STIP1: variants seen among roughly 807,000 people sequenced by gnomAD.
STIP1 encodes stress induced phosphoprotein 1, also known as stress-induced-phosphoprotein 1.
In STIP1, 16 loss-of-function variants were observed where a neutral mutation model predicts 77.4. The observed-to-expected ratio is 0.21, with a 90% CI of 0.14 to 0.31. The LOEUF is 0.31. Among genes scored for constraint, STIP1 ranks in the 10% least tolerant of loss-of-function variants. The probability of loss-of-function intolerance (pLI) is 1.00; values close to 1 mark genes in which losing one functional copy is unlikely to be tolerated. For synonymous variants in STIP1, 258 were observed against 246.6 expected (o/e 1.05, Z -0.44); for missense variants, 524 against 684.8 (o/e 0.77, Z 2.62).
rs141369208 is a variant in STIP1, at chr11:64,200,492, T to A, written c.1245+199T>A. 8.9e-3 allele frequency among the ~76,000 whole-genome samples: 1,361 copies of A among 152,154 alleles called. 37 individuals carry two copies. The highest frequency in any genetic ancestry group is 0.06 in the Admixed American group (912 of 15,286). On this transcript the variant is annotated intron_variant, in intron 10 of 13. Transcript: ENST00000305218. Reference sequence around the variant, plus strand: ...ATCCTGCTACATTTTTTATTTTTTTTGTAGAGTTGGGGTCTTGCTGTGTTG... The same window carrying A: ...ATCCTGCTACATTTTTTATTTTTTTAGTAGAGTTGGGGTCTTGCTGTGTTG...
chr11:64,190,204 G>A (rs752293974), intron 1 of STIP1, among the ~76,000 whole-genome samples: 6 of 151,352 alleles, frequency 4.0e-5, no homozygotes, highest in Non-Finnish European at 8.8e-5. Flanking sequence ...ACTGAGTTTC[G>A]CTCTTGTTGC....
At chr11:64,203,348 G>A (rs1463379386) in intron 12 of STIP1, 102 bp from the exon 13 acceptor site, 1 of 1,582,250 alleles carries the variant, frequency 6.3e-7, no homozygotes, top group African/African-American at 1.4e-5. Context: ...TCTCTTACTT[G>A]TTCTCTCTCC....
At chr11:64,192,737 C>G (rs1946106573) in intron 1 of STIP1, among the ~76,000 whole-genome samples, 1 of 152,224 alleles carries the variant, frequency 6.6e-6, no homozygotes, top group South Asian at 2.1e-4. Context: ...CTTTGGAAAT[C>G]TGTGGCAAAT....
Position 64,197,453 on chromosome 11 carries a change from C to T in STIP1, c.800-40C>T, listed in dbSNP as rs374563860. ...TGTTGGGTGTCTCTGAGGGAGGAAGCAAAGACTGACTGTTCCTTCTTAACC... is the reference window on the plus strand; with the variant it reads ...TGTTGGGTGTCTCTGAGGGAGGAAGTAAAGACTGACTGTTCCTTCTTAACC... On this transcript the variant is annotated intron_variant, in intron 6 of 13. Transcript: ENST00000305218. The T allele has an allele frequency of 4.3e-5, 70 of 1,613,914 alleles. 1 individual carries two copies. The East Asian group carries it at 1.2e-3, about 28-fold the overall frequency.
upstream of STIP1, chr11:64,185,762 G>A (rs912464924): frequency 1.3e-6 from 2 of 1,527,512 alleles, no homozygotes; most frequent in African/African-American, 1.4e-5. Context: ...AAACCAATCA[G>A]CGCAAAGAGT....
rs571668377 is a variant in STIP1, at chr11:64,186,598, G to C, written c.9+328G>C. ...TCCCGAGGGGGCGGCTGCGGGCCAT[G>C]TTGGGGAGGGTGCGGGCCGCAGGGG... is the stretch of plus-strand genomic sequence containing the variant. On this transcript the variant is annotated intron_variant, in intron 1 of 13. Coordinates refer to ENST00000305218, the MANE Select transcript of STIP1 (RefSeq NM_006819.3). 325 of 157,334 alleles carry C rather than the reference G, an allele frequency of 2.1e-3. 6 individuals are homozygous for C. In the Middle Eastern group the frequency reaches 0.04, roughly 19 times the overall value. 9.7% of individuals were successfully genotyped at this position (157,334 alleles called of 1,614,324 possible). A position where few individuals can be genotyped will look rare whatever the true frequency, so the allele number is the denominator to read the frequency against.
chr11:64,185,356 G>A (rs1945997340), upstream of STIP1: 1 of 175,272 alleles, frequency 5.7e-6, no homozygotes, highest in Non-Finnish European at 1.2e-5. Context: ...AAGCGGGACA[G>A]CCGGGCCCGC....
chr11:64,186,026 A>G (rs867542578), upstream of STIP1: 29 of 1,545,662 alleles, frequency 1.9e-5, no homozygotes, highest in African/African-American at 3.1e-4. Context: ...GGCAGGGTTG[A>G]GGGAATTACT....
upstream of STIP1, chr11:64,185,894 C>G: frequency 1.3e-6 from 2 of 1,536,170 alleles, no homozygotes; most frequent in East Asian, 4.9e-5. Context: ...GCGCGGCCAG[C>G]GCGGCTACGA....
rs780250248 is a variant in STIP1, at chr11:64,197,505, A to T, written c.812A>T (p.Glu271Val). The change falls in exon 7 of 14, where the codon GAA becomes GTA. Residue 271 changes from glutamate (E) to valine (V), a missense_variant. Glu to Val is a moderately radical substitution (Grantham distance 121, BLOSUM62 -2). Transcript: ENST00000305218. ...TCCTGCCTGGCAGCGGTATACTTTG[A>T]AAAGGGCGACTACAATAAGTGCCGG... ...YITNQAAVYFEKGDYNKCREL... is the reference protein window; with the variant it reads ...YITNQAAVYFVKGDYNKCREL... 1 of 1,614,184 alleles carries T rather than the reference A, an allele frequency of 6.2e-7. No homozygotes were observed. The highest frequency in any genetic ancestry group is 1.1e-5 in the South Asian group (1 of 91,070).
intron 5 of STIP1, 144 bp downstream of exon 5, chr11:64,195,957 G>T: frequency 8.3e-7 from 1 of 1,209,052 alleles, no homozygotes; most frequent in Non-Finnish European, 1.2e-6. Context: ...TCCCAGGTTG[G>T]TCTTGAACTT....
chr11:64,193,126 A>T lies in STIP1; in HGVS notation c.58A>T (p.Ile20Phe). 6.2e-7 allele frequency: 1 copy of T among 1,614,222 alleles called. No homozygotes were observed. Among genetic ancestry groups the T allele is most frequent in the Non-Finnish European group, 8.5e-7 (1 of 1,180,038 alleles). ...KGNKALSVGN[I>F]DDALQCYSEA... ...CAACAAGGCCCTGAGCGTGGGTAAC[A>T]TCGATGATGCCTTACAGTGCTACTC... The change falls in exon 2 of 14, where the codon ATC becomes TTC. Residue 20 changes from isoleucine (I) to phenylalanine (F), a missense_variant. By Grantham distance (21) the Ile-to-Phe change is conservative. Transcript: ENST00000305218.
In STIP1 at chr11:64,193,267, C is replaced by A. The variant is rs748430101; in HGVS notation, c.199C>A (p.Leu67Ile). The change falls in exon 2 of 14, where the codon CTA (leucine) becomes ATA (isoleucine). Residue 67 changes from leucine to isoleucine, a missense_variant. Coordinates refer to ENST00000305218, the MANE Select transcript of STIP1 (RefSeq NM_006819.3). ...AYEDGCKTVD[L>I]KPDWGKGYSR... is the part of the protein sequence containing the mutation. ...TGAGGATGGCTGCAAGACTGTCGAC[C>A]TAAAGCCTGACTGGGGCAAGGTCAG... 7.4e-6 allele frequency: 12 copies of A among 1,614,066 alleles called. No homozygotes were observed. Among genetic ancestry groups the A allele is most frequent in the Non-Finnish European group, 1.0e-5 (12 of 1,180,038 alleles).
intron 1 of STIP1, among the ~76,000 whole-genome samples, chr11:64,186,691 G>A (rs979785567): frequency 6.6e-5 from 10 of 152,362 alleles, no homozygotes; most frequent in Middle Eastern, 6.8e-3. Flanking sequence ...GATCTCAGAC[G>A]GCCGACGGAG....
intron 1 of STIP1, among the ~76,000 whole-genome samples, chr11:64,191,860 G>C (rs1279441873): frequency 1.3e-5 from 2 of 151,976 alleles, no homozygotes; most frequent in African/African-American, 2.4e-5. Context: ...CACTTGGAGG[G>C]TTGCACAGTG....
chr11:64,200,750 CTT>C (rs1481949844), intron 10 of STIP1, among the ~76,000 whole-genome samples: 4 of 151,904 alleles, frequency 2.6e-5, no homozygotes, highest in Admixed American at 2.0e-4. Flanking sequence ...TTGTTTTTGC[CTT>C]TTTAACCATT....
Position 64,200,013 on chromosome 11 carries a change from A to G in STIP1, c.1097A>G (p.Lys366Arg), listed in dbSNP as rs777388799. 1.9e-6 allele frequency: 3 copies of G among 1,614,072 alleles called. No homozygotes were observed. The African/African-American group carries it at 4.0e-5, about 22-fold the overall frequency. Reference sequence around the variant, plus strand: ...GACCTGGCTTTGGAGGAGAAGAACAAAGGCAACGAGTGTTTTCAGAAAGGT... The same window carrying G: ...GACCTGGCTTTGGAGGAGAAGAACAGAGGCAACGAGTGTTTTCAGAAAGGT... Reference protein sequence around the residue: ...NPDLALEEKNKGNECFQKGDY... With the variant: ...NPDLALEEKNRGNECFQKGDY... Residue 366 changes from lysine to arginine, a missense_variant, in exon 9 of 14, where the codon AAA becomes AGA. Transcript: ENST00000305218.
At position 64,197,601 on chromosome 11, in the gene STIP1, C is replaced by T. The variant is rs767291679; in HGVS notation, c.902+6C>T. ...GACTATCGACAGATTGCCAAGTAGG[C>T]TCAACCTTCCAGAATACCTTGAGTA... On this transcript the variant is annotated splice_donor_region_variant and intron_variant, in intron 7 of 13. Coordinates refer to ENST00000305218, the MANE Select transcript of STIP1 (RefSeq NM_006819.3). The T allele has an allele frequency of 1.2e-6, 2 of 1,613,966 alleles. No individual in the cohort carries two copies. The highest frequency in any genetic ancestry group is 1.7e-5 in the Admixed American group (1 of 59,982).
chr11:64,195,631 TA>T lies in STIP1; in HGVS notation c.504-11del. 6.4e-7 allele frequency: 1 copy of T among 1,565,942 alleles called. No homozygotes were observed. Among genetic ancestry groups the T allele is most frequent in the South Asian group, 1.2e-5 (1 of 83,860 alleles). On this transcript the variant is annotated splice_polypyrimidine_tract_variant and intron_variant, in intron 4 of 13. Coordinates refer to ENST00000305218, the MANE Select transcript of STIP1 (RefSeq NM_006819.3). ...TAATTACAATTTTTCTTTATTTTTT[TA>T]AATCAATACTAGGAAACTACAAGAT...
Sources: allele counts gnomAD v4.1 joint callset (sites outside exome capture counted in the v4.1 genomes callset), GRCh38; gene constraint gnomAD v4.1.1; transcripts MANE v1.5; gene names NCBI Gene and HGNC (gene_info 2026-07-23, HGNC 2026-07-21).